The following MCF2L2 variants were observed in gnomAD, a reference collection of about 807,000 sequenced individuals.
MCF2L2 encodes the protein MCF.2 cell line derived transforming sequence-like 2.
A neutral mutation model predicts 150.2 loss-of-function variants in MCF2L2; 102 were observed. The observed-to-expected ratio is 0.68, with a 90% confidence interval of 0.58 to 0.80. MCF2L2 has a LOEUF of 0.80. MCF2L2 is among the 30% of genes least tolerant of loss of function. The pLI, the probability that MCF2L2 is intolerant of heterozygous loss-of-function variation, is 0.00. For synonymous variants in MCF2L2, 465 were observed against 491.3 expected (o/e 0.95, Z 0.71); for missense variants, 1,256 against 1,372.8 (o/e 0.91, Z 1.34).
chr3:183,367,878 G>C (rs974770396), intron 3 of MCF2L2, among the ~76,000 whole-genome samples: 17 of 152,180 alleles, frequency 1.1e-4, no homozygotes, highest in Admixed American at 6.5e-5. Context: ...ACAAGATACT[G>C]TCTAAAGTCG....
At chr3:183,297,405 G>A (rs780771443) in intron 11 of MCF2L2, 2 of 470,600 alleles carry the variant, frequency 4.2e-6, no homozygotes, top group East Asian at 3.8e-5. Flanking sequence ...TCAGCAAAAT[G>A]AGTCTCTTCC....
chr3:183,300,375 C>T (rs540407359), intron 10 of MCF2L2, among the ~76,000 whole-genome samples, 179 bp from the exon 11 acceptor site: 14 of 152,258 alleles, frequency 9.2e-5, no homozygotes, highest in African/African-American at 3.4e-4. Context: ...AAGCCTGGCC[C>T]AGAGTTGTCC....
intron 3 of MCF2L2, among the ~76,000 whole-genome samples, chr3:183,351,238 T>TATATATA (rs1560035100): frequency 5.4e-4 from 31 of 57,634 alleles, no homozygotes; most frequent in Non-Finnish European, 8.5e-4. Flanking sequence ...ATATATATAT[T>TATATATA]TATTTATTTA....
intron 3 of MCF2L2, among the ~76,000 whole-genome samples, chr3:183,342,100 C>A (rs1347029913): frequency 2.0e-5 from 3 of 152,162 alleles, no homozygotes; most frequent in South Asian, 2.1e-4. Flanking sequence ...GGAAAAGCAA[C>A]CCCCTGGCAG....
rs1723469469 is a variant in MCF2L2, at chr3:183,229,506, C to T, written c.2045+160G>A. Among the ~76,000 whole-genome samples, 4 of 152,152 alleles carry T rather than the reference C, an allele frequency of 2.6e-5. No individual in the cohort carries two copies. In the South Asian group the frequency reaches 6.2e-4, roughly 24 times the overall value. ...CTCCAGGGATCCTGTGGGGCTTCTC[C>T]CCTCCTTTCACTCCAACCCACCCCA... is the stretch of plus-strand genomic sequence containing the variant. On this transcript the variant is annotated intron_variant, in intron 17 of 29. Transcript: ENST00000328913.
chr3:183,185,900 G>A (rs1332584595), intron 27 of MCF2L2, among the ~76,000 whole-genome samples: 1 of 152,080 alleles, frequency 6.6e-6, no homozygotes, highest in Non-Finnish European at 1.5e-5. Context: ...ACATTCTCAG[G>A]GCACATTTTT....
chr3:183,310,493 C>A (rs867314341), intron 9 of MCF2L2: 3 of 261,664 alleles, frequency 1.1e-5, no homozygotes, highest in South Asian at 3.2e-5. Flanking sequence ...CAGAGTGAGA[C>A]TCCAACTCAA....
chr3:183,277,090 C>T (rs945199389), intron 14 of MCF2L2, 133 bp from the exon 15 acceptor site: 12 of 628,672 alleles, frequency 1.9e-5, no homozygotes, highest in Non-Finnish European at 3.4e-5. Context: ...TTTCTCATGC[C>T]GCTTTCTCAG....
rs1034265429 is a variant in MCF2L2 at position 183,257,296 on chromosome 3, T to C, written c.1862+19576A>G. Among the ~76,000 whole-genome samples the C allele has an allele frequency of 3.3e-5, 5 of 152,192 alleles. No homozygotes were observed. In the South Asian group the frequency reaches 1.0e-3, roughly 32 times the overall value. ...TACTTTTGTTGGCATTTAAACACTC[T>C]CGGCTTTTTTACTCTCTTTCACCAC... On this transcript the variant is annotated intron_variant, in intron 15 of 29. Transcript: ENST00000328913.
intron 15 of MCF2L2, among the ~76,000 whole-genome samples, chr3:183,256,280 T>C (rs1185162534): frequency 3.9e-5 from 6 of 152,196 alleles, no homozygotes; most frequent in Non-Finnish European, 8.8e-5. Context: ...CCCTTTGATA[T>C]CGAATCTCTG....
intron 14 of MCF2L2, among the ~76,000 whole-genome samples, chr3:183,284,847 GA>G (rs1473806953): frequency 2.0e-5 from 3 of 152,120 alleles, no homozygotes; most frequent in Non-Finnish European, 2.9e-5. Flanking sequence ...CTTTGTTCTG[GA>G]AACTTCAGAG....
At chr3:183,426,301 T>C (rs575948251) in intron 1 of MCF2L2, among the ~76,000 whole-genome samples, 2 of 152,270 alleles carry the variant, frequency 1.3e-5, no homozygotes, top group South Asian at 4.2e-4. Context: ...GGAGGGACCT[T>C]TAAAATCATC....
intron 27 of MCF2L2, among the ~76,000 whole-genome samples, chr3:183,190,127 C>T (rs1467590065): frequency 3.3e-5 from 5 of 152,212 alleles, no homozygotes; most frequent in African/African-American, 1.2e-4. Context: ...CTCTTAGCAA[C>T]AGCCTCCCAA....
At chr3:183,279,799 G>A (rs1289123513) in intron 14 of MCF2L2, among the ~76,000 whole-genome samples, 1 of 152,216 alleles carries the variant, frequency 6.6e-6, no homozygotes. Context: ...GGGAGGCCGA[G>A]GCGAGTGGAT....
chr3:183,233,701 T>A (rs544770867), intron 15 of MCF2L2, among the ~76,000 whole-genome samples: 1 of 152,302 alleles, frequency 6.6e-6, no homozygotes, highest in Non-Finnish European at 1.5e-5. Flanking sequence ...AGCTAAAGTA[T>A]GGGAAAGGAG....
intron 15 of MCF2L2, among the ~76,000 whole-genome samples, chr3:183,238,790 G>A (rs1361559659): frequency 5.3e-5 from 8 of 151,052 alleles, no homozygotes; most frequent in Admixed American, 2.0e-4. Flanking sequence ...GAGGTCAGGA[G>A]ATGTAGACCA....
At chr3:183,395,586 GA>G (rs1714390087) in intron 1 of MCF2L2, among the ~76,000 whole-genome samples, 1 of 152,116 alleles carries the variant, frequency 6.6e-6, no homozygotes, top group Non-Finnish European at 1.5e-5. Flanking sequence ...GAGGAATTTT[GA>G]CAAATATACA....
intron 27 of MCF2L2, among the ~76,000 whole-genome samples, chr3:183,187,351 C>T: frequency 6.6e-6 from 1 of 152,192 alleles, no homozygotes; most frequent in East Asian, 1.9e-4. Context: ...ATTTTTATGT[C>T]TTTCACATGG....
intron 15 of MCF2L2, among the ~76,000 whole-genome samples, chr3:183,276,305 G>C (rs764184351): frequency 2.0e-5 from 3 of 152,208 alleles, no homozygotes; most frequent in Non-Finnish European, 4.4e-5. Flanking sequence ...CATTATGATA[G>C]ACGCCATGGA....
Sources: allele counts gnomAD v4.1 joint callset (sites outside exome capture counted in the v4.1 genomes callset), GRCh38; gene constraint gnomAD v4.1.1; transcripts MANE v1.5; gene names NCBI Gene and HGNC (gene_info 2026-07-23, HGNC 2026-07-21).